PCDHGA6: variants seen among roughly 807,000 people sequenced by gnomAD.
The protein encoded by PCDHGA6 is protocadherin gamma-A6.
Under a neutral mutation model 60.6 loss-of-function variants are expected in PCDHGA6, and 41 were observed. That is an observed-to-expected ratio of 0.68 (90% confidence interval 0.53 to 0.88). The LOEUF (loss-of-function observed/expected upper bound fraction) is 0.88. Among genes scored for constraint, PCDHGA6 ranks in the 40% least tolerant of loss-of-function variants. PCDHGA6 has a pLI of 0.00. For missense variants in PCDHGA6, 1,312 were observed against 1,203.0 expected (o/e 1.09, Z -1.34); for synonymous variants, 594 against 524.4 (o/e 1.13, Z -1.81).
intron 1 of PCDHGA6, among the ~76,000 whole-genome samples, chr5:141,461,958 G>C (rs1048690044): frequency 4.5e-4 from 69 of 152,272 alleles, no homozygotes; most frequent in Non-Finnish European, 2.9e-4. Context: ...TGAGTAGCTG[G>C]GATTCCAGGC....
intron 1 of PCDHGA6, chr5:141,427,957 C>G (rs770633827): frequency 1.3e-5 from 20 of 1,588,284 alleles, no homozygotes; most frequent in African/African-American, 2.7e-5. Flanking sequence ...GACAATGTGC[C>G]GCGGGTGCTG....
intron 1 of PCDHGA6, chr5:141,404,037 A>T: frequency 6.2e-7 from 1 of 1,613,888 alleles, no homozygotes; most frequent in East Asian, 2.2e-5. Context: ...GACGCACCTC[A>T]GGGAACAGTA....
At chr5:141,415,315 G>A (rs201784236) in intron 1 of PCDHGA6, 2 of 1,614,220 alleles carry the variant, frequency 1.2e-6, no homozygotes, top group Middle Eastern at 1.6e-4. Context: ...CTTCGTCATC[G>A]TGCTGCTGGC....
intron 1 of PCDHGA6, chr5:141,388,025 G>A (rs986664863): frequency 6.9e-7 from 1 of 1,447,232 alleles, no homozygotes. Flanking sequence ...GCTCCGTAGT[G>A]GGGAACCTCG....
intron 2 of PCDHGA6, among the ~76,000 whole-genome samples, chr5:141,501,290 TACACACACACACACACACACAC>T (rs55762287): frequency 1.4e-4 from 19 of 136,248 alleles, no homozygotes; most frequent in Admixed American, 1.1e-3. Context: ...TATTCCCTTA[TACACACACACACACACACACAC>T]ACACACACAC....
chr5:141,477,719 T>C lies in PCDHGA6; in HGVS notation c.2425-17088T>C. 6.2e-7 allele frequency: 1 copy of C among 1,613,876 alleles called. No individual in the cohort carries two copies. Among genetic ancestry groups the C allele is most frequent in the Non-Finnish European group, 8.5e-7 (1 of 1,180,028 alleles). ...CTATGAGGATCGGCGGGAATTTGAA[T>C]TAACAGCTCATATCAGCGATGGGGG... On this transcript the variant is annotated intron_variant, in intron 1 of 3. Transcript: ENST00000517434. The surrounding 1 kb of genome is among the most constrained non-coding windows in gnomAD (Gnocchi z 4.9).
intron 1 of PCDHGA6, among the ~76,000 whole-genome samples, chr5:141,448,632 T>G (rs1383720361): frequency 1.3e-5 from 2 of 152,106 alleles, no homozygotes; most frequent in Admixed American, 1.3e-4. Context: ...TTCTTCACAT[T>G]ATATCCTTTA....
chr5:141,407,954 G>A, intron 1 of PCDHGA6: 1 of 640,866 alleles, frequency 1.6e-6, no homozygotes, highest in East Asian at 3.0e-5. Flanking sequence ...GTCGGCCAGT[G>A]CAGAGCAAGC....
intron 1 of PCDHGA6, among the ~76,000 whole-genome samples, chr5:141,449,588 C>CA (rs768743917): frequency 0.036 from 2,064 of 56,756 alleles, 20 homozygotes; most frequent in Middle Eastern, 0.06. Context: ...GACTCTGTCT[C>CA]AAAAAAAAAA....
Position 141,485,432 on chromosome 5 carries a change from A to C in PCDHGA6, c.2425-9375A>C. The C allele has an allele frequency of 6.2e-7, 1 of 1,614,178 alleles. No individual in the cohort carries two copies. Among genetic ancestry groups the C allele is most frequent in the Non-Finnish European group, 8.5e-7 (1 of 1,180,028 alleles). ...TTTGGACAGCGGAGCCCTGCTCATC[A>C]AGAACCCAATCGACCGAGAGGCACT... On this transcript the variant is annotated intron_variant, in intron 1 of 3. Transcript: ENST00000517434. The surrounding 1 kb of genome is among the most constrained non-coding windows in gnomAD (Gnocchi z 5.7).
intron 1 of PCDHGA6, among the ~76,000 whole-genome samples, chr5:141,467,296 A>T (rs1032802325): frequency 1.3e-5 from 2 of 151,740 alleles, no homozygotes; most frequent in South Asian, 4.2e-4. Flanking sequence ...CAAGTGATCC[A>T]CTCACCTCGG....
At chr5:141,394,577 G>A (rs757579320) in intron 1 of PCDHGA6, 5 of 1,613,986 alleles carry the variant, frequency 3.1e-6, no homozygotes, top group South Asian at 1.1e-5. Context: ...GCTACCTGGT[G>A]ACCAAGGTGG....
chr5:141,466,683 A>G (rs1347308492), intron 1 of PCDHGA6, among the ~76,000 whole-genome samples: 1 of 152,170 alleles, frequency 6.6e-6, no homozygotes, highest in African/African-American at 2.4e-5. Context: ...CTTCCACTCA[A>G]GCTTCATCAT....
intron 1 of PCDHGA6, chr5:141,427,571 G>T (rs1199845374): frequency 9.1e-6 from 6 of 662,944 alleles, no homozygotes; most frequent in Non-Finnish European, 1.7e-5. Context: ...GCAAGCCTCC[G>T]CTCTCATCCA....
chr5:141,383,512 G>A (rs755956919), intron 1 of PCDHGA6: 4 of 1,612,576 alleles, frequency 2.5e-6, no homozygotes, highest in Non-Finnish European at 2.5e-6. Context: ...CCGGGAGGAA[G>A]AGCGGGTTCA....
rs79464787 is a variant in PCDHGA6, at chr5:141,480,455, T to C, written c.2425-14352T>C. Among the ~76,000 whole-genome samples the C allele has an allele frequency of 7.4e-3, 1,134 of 152,274 alleles. 17 individuals are homozygous for C. The highest frequency in any genetic ancestry group is 0.026 in the African/African-American group (1,086 of 41,548). ...CAGCTATTACTATAATTATTTTTAT[T>C]AGTTCCTCACTCACCTAAAATCTCA... On this transcript the variant is annotated intron_variant, in intron 1 of 3. Transcript: ENST00000517434.
chr5:141,403,796 T>C (rs1028690414), intron 1 of PCDHGA6: 3 of 1,613,866 alleles, frequency 1.9e-6, no homozygotes, highest in Non-Finnish European at 1.7e-6. Flanking sequence ...ATACAAATTC[T>C]GGAAAATTAA....
rs535152193 is a variant in PCDHGA6, at chr5:141,422,906, C to G, written c.2424+46399C>G. ...TTCGTGCTGGACCAGAACGACAATG[C>G]GCCCGAGATCCTGTACCCTGCCCTC... On this transcript the variant is annotated intron_variant, in intron 1 of 3. Transcript: ENST00000517434. 6 of 1,614,264 alleles carry G rather than the reference C, an allele frequency of 3.7e-6. No homozygotes were observed. The South Asian group carries it at 6.6e-5, about 18-fold the overall frequency.
chr5:141,462,011 C>T (rs567038580), intron 1 of PCDHGA6, among the ~76,000 whole-genome samples: 32 of 152,182 alleles, frequency 2.1e-4, no homozygotes, highest in Admixed American at 5.9e-4. Flanking sequence ...TTAATAGAGA[C>T]GGGGTTTCTT....
Sources: allele counts gnomAD v4.1 joint callset (sites outside exome capture counted in the v4.1 genomes callset), GRCh38; gene constraint gnomAD v4.1.1; non-coding constraint Gnocchi (gnomAD v3.1); transcripts MANE v1.5; gene names NCBI Gene and HGNC (gene_info 2026-07-23, HGNC 2026-07-21).